The following PCDHGA7 variants were observed in gnomAD, a reference collection of about 807,000 sequenced individuals.
PCDHGA7 encodes the protein protocadherin gamma-A7.
In PCDHGA7, 44 loss-of-function variants were observed where a neutral mutation model predicts 58.3. The observed-to-expected ratio is 0.75, with a 90% CI of 0.59 to 0.97. PCDHGA7 has a LOEUF of 0.97. Among genes scored for constraint, PCDHGA7 ranks in the 50% least tolerant of loss-of-function variants. PCDHGA7 has a pLI of 0.00. For synonymous variants in PCDHGA7, 516 were observed against 504.2 expected (o/e 1.02, Z -0.31); for missense variants, 1,266 against 1,188.7 (o/e 1.06, Z -0.96).
At position 141,487,653 on chromosome 5, in the gene PCDHGA7, A is replaced by C. The variant is rs1033173132; in HGVS notation, c.2425-7154A>C. The C allele has an allele frequency of 3.1e-6, 5 of 1,613,794 alleles. No individual in the cohort carries two copies. Among genetic ancestry groups the C allele is most frequent in the Non-Finnish European group, 4.2e-6 (5 of 1,179,926 alleles). ...CAGGCTCAACAAATGCTTGAGGGTT[A>C]TTCTGATCCAGGCATATGGCTAGGC... On this transcript the variant is annotated intron_variant, in intron 1 of 3. Transcript: ENST00000518325. This position sits in a 1 kb window ranked among gnomAD's most constrained non-coding sequence, Gnocchi z 5.0.
intron 1 of PCDHGA7, chr5:141,427,597 T>C: frequency 1.5e-6 from 1 of 682,152 alleles, no homozygotes; most frequent in Non-Finnish European, 2.7e-6. Context: ...AGCCTCACCC[T>C]ACGCATTGGT....
In PCDHGA7 at chr5:141,403,922, G is replaced by A. The variant is rs770450211; in HGVS notation, c.2424+18599G>A. ...TGAAATGGAAATACAAGCTGAAGAT[G>A]GTGGGGGATTGAAAGGGTGGACAAA... On this transcript the variant is annotated intron_variant, in intron 1 of 3. Transcript: ENST00000518325. 6.2e-6 allele frequency: 10 copies of A among 1,613,904 alleles called. No individual in the cohort carries two copies. The East Asian group carries it at 2.2e-4, about 36-fold the overall frequency.
In PCDHGA7 at chr5:141,405,345, A is replaced by G. The variant is rs758657243; in HGVS notation, c.2424+20022A>G. 3 of 1,613,944 alleles carry G rather than the reference A, an allele frequency of 1.9e-6. No homozygotes were observed. In the South Asian group the frequency reaches 3.3e-5, roughly 18 times the overall value. On this transcript the variant is annotated intron_variant, in intron 1 of 3. Coordinates refer to ENST00000518325, the MANE Select transcript of PCDHGA7 (RefSeq NM_018920.4). ...CCTTTGTGCGTCTCTGTTGATTCCA[A>G]GTTTCCTATAGAAGACACCCCTTTG...
rs776293224 is a variant in PCDHGA7, at chr5:141,477,889, A to G, written c.2425-16918A>G. Reference sequence around the variant, plus strand: ...GTACCTCAGCTGGCCACCTAGTGTCACGGGTGGTAGGCTGGGACGCGGATG... The same window carrying G: ...GTACCTCAGCTGGCCACCTAGTGTCGCGGGTGGTAGGCTGGGACGCGGATG... On this transcript the variant is annotated intron_variant, in intron 1 of 3. Coordinates refer to ENST00000518325, the MANE Select transcript of PCDHGA7 (RefSeq NM_018920.4). This position sits in a 1 kb window ranked among gnomAD's most constrained non-coding sequence, Gnocchi z 4.9. The G allele has an allele frequency of 1.8e-5, 29 of 1,614,034 alleles. No individual in the cohort carries two copies. Among genetic ancestry groups the G allele is most frequent in the Non-Finnish European group, 2.5e-5 (29 of 1,180,026 alleles).
At chr5:141,495,437 C>T (rs2099761356) in intron 2 of PCDHGA7, among the ~76,000 whole-genome samples, 1 of 152,178 alleles carries the variant, frequency 6.6e-6, no homozygotes, top group East Asian at 1.9e-4. Flanking sequence ...GTCCTCTGCC[C>T]CTACTTGTCC....
At chr5:141,413,822 T>G in intron 1 of PCDHGA7, 1 of 1,613,216 alleles carries the variant, frequency 6.2e-7, no homozygotes, top group Non-Finnish European at 8.5e-7. Context: ...CACCTGGTCC[T>G]CACCGCCTCC....
chr5:141,487,516 G>A lies in PCDHGA7; in HGVS notation c.2425-7291G>A, dbSNP rs2099648095. On this transcript the variant is annotated intron_variant, in intron 1 of 3. Coordinates refer to ENST00000518325, the MANE Select transcript of PCDHGA7 (RefSeq NM_018920.4). The surrounding 1 kb of genome is among the most constrained non-coding windows in gnomAD (Gnocchi z 5.0). ...CACCCTTGGCTTCTGCACCCACTCG[G>A]AGTGATAGCTTCATGATGGTGAAGT... 6.2e-7 allele frequency: 1 copy of A among 1,614,078 alleles called. No individual in the cohort carries two copies. The highest frequency in any genetic ancestry group is 1.7e-5 in the Admixed American group (1 of 60,010).
Position 141,431,698 on chromosome 5 carries a change from A to ATTC in PCDHGA7, c.2424+46377_2424+46379dup. 6.2e-7 allele frequency: 1 copy of ATTC among 1,614,222 alleles called. No homozygotes were observed. Among genetic ancestry groups the ATTC allele is most frequent in the Non-Finnish European group, 8.5e-7 (1 of 1,180,036 alleles). The stretch of plus-strand genomic sequence containing the variant: ...GGGAGTTGGACCACGAGGAGTCAGG[A>ATTC]TTCTACCAGATGGAAGTGCAAGCAA... On this transcript the variant is annotated intron_variant, in intron 1 of 3. Coordinates refer to ENST00000518325, the MANE Select transcript of PCDHGA7 (RefSeq NM_018920.4). This position sits in a 1 kb window ranked among gnomAD's most constrained non-coding sequence, Gnocchi z 4.8.
rs1330469043 is a variant in PCDHGA7 at position 141,491,537 on chromosome 5, C to A, written c.2425-3270C>A. On this transcript the variant is annotated intron_variant, in intron 1 of 3. Transcript: ENST00000518325. This position sits in a 1 kb window ranked among gnomAD's most constrained non-coding sequence, Gnocchi z 6.9. ...AAGTACATGGAGGTGACGCTGCGGCCCACAGACTCGCAGAGCCACTGCTAC... is the reference window on the plus strand; with the variant it reads ...AAGTACATGGAGGTGACGCTGCGGCACACAGACTCGCAGAGCCACTGCTAC... The A allele has an allele frequency of 6.2e-7, 1 of 1,613,908 alleles. No homozygotes were observed. Among genetic ancestry groups the A allele is most frequent in the African/African-American group, 1.3e-5 (1 of 74,920 alleles).
At chr5:141,401,900 AATT>A (rs1215744256) in intron 1 of PCDHGA7, among the ~76,000 whole-genome samples, 1 of 152,196 alleles carries the variant, frequency 6.6e-6, no homozygotes, top group Non-Finnish European at 1.5e-5. Flanking sequence ...CTTTTTCCCA[AATT>A]ATTATATAAG....
intron 1 of PCDHGA7, chr5:141,418,954 T>G (rs1490406390): frequency 6.2e-7 from 1 of 1,613,914 alleles, no homozygotes; most frequent in East Asian, 2.2e-5. Flanking sequence ...CAGGAGTGGT[T>G]GTTGCCCTCT....
chr5:141,485,525 C>A lies in PCDHGA7; in HGVS notation c.2425-9282C>A. On this transcript the variant is annotated intron_variant, in intron 1 of 3. Transcript: ENST00000518325. This position sits in a 1 kb window ranked among gnomAD's most constrained non-coding sequence, Gnocchi z 5.7. ...CACCGAAGGTCCTTTGGAAATGTAC[C>A]GAGCAGAGGTAGAGATCGTAGATGT... The A allele has an allele frequency of 5.6e-6, 9 of 1,614,122 alleles. No individual in the cohort carries two copies. Among genetic ancestry groups the A allele is most frequent in the Non-Finnish European group, 7.6e-6 (9 of 1,180,022 alleles).
chr5:141,415,684 A>G, intron 1 of PCDHGA7: 2 of 1,437,842 alleles, frequency 1.4e-6, no homozygotes, highest in Non-Finnish European at 1.9e-6. Flanking sequence ...TTGCGGCATG[A>G]TGGTGGAAAG....
At chr5:141,393,769 T>C in intron 1 of PCDHGA7, 2 of 1,613,912 alleles carry the variant, frequency 1.2e-6, no homozygotes, top group Non-Finnish European at 1.7e-6. Flanking sequence ...GAAATGGAAA[T>C]ACAAGCCGAA....
intron 1 of PCDHGA7, chr5:141,426,767 A>C (rs1219028777): frequency 2.2e-6 from 1 of 456,666 alleles, no homozygotes. Flanking sequence ...ATGCAGATGT[A>C]GGGCCTCACT....
chr5:141,467,756 T>A (rs1312303182), intron 1 of PCDHGA7, among the ~76,000 whole-genome samples: 5 of 151,988 alleles, frequency 3.3e-5, no homozygotes, highest in African/African-American at 1.2e-4. Flanking sequence ...CCGCCTCACA[T>A]GCTCAAGTGC....
At chr5:141,400,392 A>C (rs2094014497) in intron 1 of PCDHGA7, 1 of 1,613,942 alleles carries the variant, frequency 6.2e-7, no homozygotes, top group Admixed American at 1.7e-5. Context: ...TTGCACATAC[A>C]GGAAAGACGG....
chr5:141,421,161 T>C (rs2096550274), intron 1 of PCDHGA7: 7 of 1,259,920 alleles, frequency 5.6e-6, no homozygotes, highest in Non-Finnish European at 7.5e-6. Flanking sequence ...TAGGACTTCA[T>C]AGATACATAA....
intron 1 of PCDHGA7, chr5:141,398,152 G>T: frequency 5.3e-6 from 8 of 1,498,488 alleles, no homozygotes; most frequent in Non-Finnish European, 7.1e-6. Context: ...CGGGGAGCTG[G>T]GCCGGGCTGA....
Sources: allele counts gnomAD v4.1 joint callset (sites outside exome capture counted in the v4.1 genomes callset), GRCh38; gene constraint gnomAD v4.1.1; non-coding constraint Gnocchi (gnomAD v3.1); transcripts MANE v1.5; gene names NCBI Gene and HGNC (gene_info 2026-07-23, HGNC 2026-07-21).